CSMD1: variants seen among roughly 807,000 people sequenced by gnomAD.
CSMD1 encodes the protein CUB and Sushi multiple domains 1.
In CSMD1, 213 loss-of-function variants were observed where a neutral mutation model predicts 417.5. The ratio of observed to expected loss-of-function variants is 0.51; its 90% CI spans 0.46 to 0.57. CSMD1 has a LOEUF of 0.57. Among genes scored for constraint, CSMD1 ranks in the 20% least tolerant of loss-of-function variants. CSMD1 has a pLI of 0.00. For synonymous variants in CSMD1, 2,862 were observed against 1,736.8 expected, an observed-to-expected ratio of 1.65 and a Z score of -16.11; for missense variants, 6,923 against 4,529.7, an observed-to-expected ratio of 1.53 and a Z score of -15.17.
At chr8:3,988,489 C>G (rs781582059) in intron 5 of CSMD1, among the ~76,000 whole-genome samples, 2 of 152,314 alleles carry the variant, frequency 1.3e-5, no homozygotes, top group African/African-American at 2.4e-5. Context: ...GAGCACGGAA[C>G]AGCAGCACCA....
chr8:4,917,625 C>A (rs563081219), intron 1 of CSMD1, among the ~76,000 whole-genome samples: 4 of 151,370 alleles, frequency 2.6e-5, no homozygotes, highest in Non-Finnish European at 5.9e-5. Context: ...CAGAGCGAGA[C>A]TCCGTCTCAA....
intron 5 of CSMD1, among the ~76,000 whole-genome samples, chr8:3,922,984 G>T (rs1039018326): frequency 2.0e-5 from 3 of 152,146 alleles, no homozygotes; most frequent in Non-Finnish European, 4.4e-5. Flanking sequence ...CTGTTTCAGA[G>T]AAATCTCTAT....
chr8:4,914,297 C>A (rs1190697184), intron 1 of CSMD1, among the ~76,000 whole-genome samples: 2 of 152,094 alleles, frequency 1.3e-5, no homozygotes, highest in Admixed American at 6.6e-5. Flanking sequence ...GAAGATAGGG[C>A]CGGGTGCGGT....
chr8:2,961,039 A>G, intron 62 of CSMD1, 102 bp downstream of exon 62: 2 of 584,904 alleles, frequency 3.4e-6, no homozygotes, highest in Non-Finnish European at 5.3e-6. Flanking sequence ...GGTAAATATA[A>G]CATGAATAAG....
intron 1 of CSMD1, among the ~76,000 whole-genome samples, chr8:4,944,653 G>A (rs567650111): frequency 2.0e-5 from 3 of 152,130 alleles, no homozygotes; most frequent in Non-Finnish European, 2.9e-5. Flanking sequence ...AGAGATGTTC[G>A]ATATTATTGA....
intron 2 of CSMD1, among the ~76,000 whole-genome samples, chr8:4,500,414 C>G (rs1802202605): frequency 1.3e-5 from 2 of 152,090 alleles, no homozygotes; most frequent in Non-Finnish European, 2.9e-5. Flanking sequence ...TGAACTATTA[C>G]TGTAGACAAA....
At chr8:3,612,187 T>C (rs181454582) in intron 8 of CSMD1, among the ~76,000 whole-genome samples, 193 of 152,008 alleles carry the variant, frequency 1.3e-3, no homozygotes, top group African/African-American at 4.6e-3. Flanking sequence ...GATTTCAGAG[T>C]AAAAAATGTT....
chr8:4,710,198 T>A (rs998962727), intron 1 of CSMD1, among the ~76,000 whole-genome samples: 2 of 151,958 alleles, frequency 1.3e-5, no homozygotes, highest in Non-Finnish European at 2.9e-5. Flanking sequence ...CAAGATAAAA[T>A]ATATATACGT....
At chr8:4,091,168 C>G (rs1354636172) in intron 3 of CSMD1, among the ~76,000 whole-genome samples, 2 of 152,106 alleles carry the variant, frequency 1.3e-5, no homozygotes, top group Non-Finnish European at 2.9e-5. Context: ...ATCCACATGG[C>G]TCGGCCTCCC....
At chr8:3,501,642 C>T (rs1474345509) in intron 10 of CSMD1, among the ~76,000 whole-genome samples, 1 of 152,106 alleles carries the variant, frequency 6.6e-6, no homozygotes. Context: ...TGATTCATTC[C>T]ACTTCAAATT....
intron 2 of CSMD1, among the ~76,000 whole-genome samples, chr8:4,613,870 A>G (rs1420114558): frequency 1.3e-5 from 2 of 151,716 alleles, no homozygotes; most frequent in Non-Finnish European, 2.9e-5. Flanking sequence ...CAAAAAAAAA[A>G]AAAAAAGAAA....
At chr8:4,426,667 T>C (rs1022512263) in intron 2 of CSMD1, among the ~76,000 whole-genome samples, 1 of 147,132 alleles carries the variant, frequency 6.8e-6, no homozygotes, top group Non-Finnish European at 1.5e-5. Context: ...TATAGTAATA[T>C]TTTATTATAT....
intron 3 of CSMD1, among the ~76,000 whole-genome samples, chr8:4,109,680 T>A (rs1046896311): frequency 6.6e-6 from 1 of 152,142 alleles, no homozygotes; most frequent in Non-Finnish European, 1.5e-5. Context: ...ATTAAATAAT[T>A]TTCAAGATAC....
intron 2 of CSMD1, among the ~76,000 whole-genome samples, chr8:4,424,021 T>G (rs1218910695): frequency 6.6e-6 from 1 of 152,026 alleles, no homozygotes; most frequent in East Asian, 1.9e-4. Flanking sequence ...ATAGTAAGTT[T>G]AACACCTTAT....
intron 29 of CSMD1, among the ~76,000 whole-genome samples, chr8:3,215,339 C>A (rs557515932): frequency 5.3e-5 from 8 of 152,334 alleles, no homozygotes; most frequent in Admixed American, 5.2e-4. Flanking sequence ...AAACATTGTG[C>A]ACTGGATGTA....
chr8:4,720,897 G>T (rs921087787), intron 1 of CSMD1, among the ~76,000 whole-genome samples: 15 of 152,046 alleles, frequency 9.9e-5, no homozygotes, highest in African/African-American at 3.4e-4. Flanking sequence ...AAACATACCT[G>T]GTGACCTTGA....
At chr8:4,218,702 G>A (rs1181912722) in intron 3 of CSMD1, among the ~76,000 whole-genome samples, 1 of 152,158 alleles carries the variant, frequency 6.6e-6, no homozygotes, top group African/African-American at 2.4e-5. Context: ...TTCAAATAGA[G>A]GCAACCATTA....
chr8:4,992,156 AC>A lies in CSMD1; in HGVS notation c.85+2175del, dbSNP rs1289750987. Among the ~76,000 whole-genome samples the A allele has an allele frequency of 2.0e-5, 3 of 151,818 alleles. No individual in the cohort carries two copies. In the East Asian group the frequency reaches 5.8e-4, roughly 30 times the overall value. ...GGCCCGAGGCGCCCAGGACTTTGCAACCCCTGCCCTGTTCGCCCCAGAATCA... is the reference window on the plus strand; with the variant it reads ...GGCCCGAGGCGCCCAGGACTTTGCAACCCTGCCCTGTTCGCCCCAGAATCA... On this transcript the variant is annotated intron_variant, in intron 1 of 69. Coordinates refer to ENST00000635120, the MANE Select transcript of CSMD1 (RefSeq NM_033225.6).
intron 4 of CSMD1, among the ~76,000 whole-genome samples, chr8:4,002,365 A>G (rs946030762): frequency 6.6e-6 from 1 of 152,188 alleles, no homozygotes; most frequent in Admixed American, 6.5e-5. Context: ...TACTTTCTAA[A>G]CAGCAACATT....
Sources: gnomAD v4.1 joint callset for allele counts (sites outside exome capture counted in the v4.1 genomes callset) on GRCh38, gnomAD v4.1.1 for gene constraint, MANE v1.5 for transcripts, NCBI Gene and HGNC (gene_info 2026-07-23, HGNC 2026-07-21) for gene names.